The following ATXN1 variants were observed in gnomAD, a reference collection of about 807,000 sequenced individuals.
ATXN1 encodes ataxin 1.
Under a neutral mutation model 56.4 loss-of-function variants are expected in ATXN1, and 8 were observed. That is an observed-to-expected ratio of 0.14 (90% confidence interval 0.08 to 0.26). The LOEUF is 0.26. Ranked by LOEUF, ATXN1 falls within the 10% of genes least tolerant of loss-of-function variation. The pLI, the probability that ATXN1 is intolerant of heterozygous loss-of-function variation, is 1.00. For synonymous variants in ATXN1, 514 were observed against 494.6 expected, an observed-to-expected ratio of 1.04 and a Z score of -0.52; for missense variants, 987 against 1,106.5, an observed-to-expected ratio of 0.89 and a Z score of 1.53.
intron 2 of ATXN1, among the ~76,000 whole-genome samples, chr6:16,726,068 T>C (rs1759841672): frequency 6.6e-6 from 1 of 152,204 alleles, no homozygotes; most frequent in South Asian, 2.1e-4. Context: ...TAGCTTCTTA[T>C]ACCCTGTGAA....
intron 6 of ATXN1, among the ~76,000 whole-genome samples, chr6:16,391,127 A>G (rs892179808): frequency 8.7e-5 from 12 of 138,342 alleles, no homozygotes; most frequent in Non-Finnish European, 1.1e-4. Context: ...GCGTCACTGC[A>G]CTCCAGCCTG....
At chr6:16,422,973 A>G (rs1327744700) in intron 6 of ATXN1, among the ~76,000 whole-genome samples, 1 of 152,228 alleles carries the variant, frequency 6.6e-6, no homozygotes, top group Non-Finnish European at 1.5e-5. Context: ...TAGAATTGTC[A>G]TATCTGATCT....
chr6:16,428,241 C>T (rs961801964), intron 6 of ATXN1, among the ~76,000 whole-genome samples: 2 of 151,660 alleles, frequency 1.3e-5, no homozygotes, highest in South Asian at 2.1e-4. Context: ...GCCTCAGCCT[C>T]TGGAGTAGTA....
intron 6 of ATXN1, among the ~76,000 whole-genome samples, chr6:16,469,955 T>G (rs1349404342): frequency 2.6e-5 from 2 of 77,684 alleles, no homozygotes; most frequent in East Asian, 9.0e-4. Context: ...AGCAAAACTC[T>G]GTCTCAAAAA....
In ATXN1 at chr6:16,759,530, G is replaced by GTTTTTTTTT. The variant is rs1046854905; in HGVS notation, c.-730+1759_-730+1767dup. Among the ~76,000 whole-genome samples the GTTTTTTTTT allele has an allele frequency of 5.2e-4, 24 of 45,960 alleles. 2 individuals are homozygous for GTTTTTTTTT. Among genetic ancestry groups the GTTTTTTTTT allele is most frequent in the East Asian group, 2.0e-3 (3 of 1,526 alleles). The allele number at this position is 45,960 out of a possible 152,430, so 30.2% of individuals were successfully genotyped here. A position where few individuals can be genotyped will look rare whatever the true frequency, so the allele number is the denominator to read the frequency against. ...ATTATATAACCAGCTTCTTCCGACTGTTTTTTTTTTTTTTTTTTTTTTTTT... is the reference window on the plus strand; with the variant it reads ...ATTATATAACCAGCTTCTTCCGACTGTTTTTTTTTTTTTTTTTTTTTTTTTTTTTTTTTT... On this transcript the variant is annotated intron_variant, in intron 1 of 7. Transcript: ENST00000436367.
chr6:16,583,363 A>T (rs907793662), intron 4 of ATXN1, among the ~76,000 whole-genome samples: 1 of 152,032 alleles, frequency 6.6e-6, no homozygotes, highest in African/African-American at 2.4e-5. Flanking sequence ...TTTTCCTTTC[A>T]CTTTTCAACG....
chr6:16,567,495 G>C (rs1437990108), intron 4 of ATXN1, among the ~76,000 whole-genome samples: 1 of 152,136 alleles, frequency 6.6e-6, no homozygotes. Flanking sequence ...ATGTGTGAGG[G>C]GGGAACAAAG....
At chr6:16,677,544 C>T (rs1561804603) in intron 2 of ATXN1, among the ~76,000 whole-genome samples, 1 of 152,098 alleles carries the variant, frequency 6.6e-6, no homozygotes, top group Non-Finnish European at 1.5e-5. Flanking sequence ...GGATACAAAA[C>T]TTGTATAGTA....
At chr6:16,518,315 G>A (rs762277980) in intron 5 of ATXN1, among the ~76,000 whole-genome samples, 2 of 152,320 alleles carry the variant, frequency 1.3e-5, no homozygotes, top group African/African-American at 2.4e-5. Context: ...TGAGTAACCC[G>A]GCTGGGGCTA....
At chr6:16,409,007 G>C (rs1561885007) in intron 6 of ATXN1, among the ~76,000 whole-genome samples, 1 of 152,118 alleles carries the variant, frequency 6.6e-6, no homozygotes, top group African/African-American at 2.4e-5. Flanking sequence ...AAGAATACAT[G>C]GGTTCTAAGG....
Position 16,306,871 on chromosome 6 carries a change from G to A in ATXN1, c.1918-12C>T, listed in dbSNP as rs751836739. On this transcript the variant is annotated splice_polypyrimidine_tract_variant and intron_variant, in intron 7 of 7. Transcript: ENST00000436367. The surrounding 1 kb of genome is among the most constrained non-coding windows in gnomAD (Gnocchi z 5.2). The stretch of plus-strand genomic sequence containing the variant: ...ACTTCAACGCTGACCTGTGGAAACA[G>A]GGAGAGACAGAGAGAGGAAGAAGGA... The A allele has an allele frequency of 1.1e-5, 17 of 1,584,288 alleles. No homozygotes were observed. The highest frequency in any genetic ancestry group is 1.2e-5 in the Non-Finnish European group (14 of 1,170,786).
At chr6:16,715,531 A>T (rs550013365) in intron 2 of ATXN1, among the ~76,000 whole-genome samples, 1 of 152,344 alleles carries the variant, frequency 6.6e-6, no homozygotes, top group South Asian at 2.1e-4. Flanking sequence ...GATCAAGAAG[A>T]TGTACAATGG....
At chr6:16,412,989 T>TTAA (rs1257937084) in intron 6 of ATXN1, among the ~76,000 whole-genome samples, 2 of 152,196 alleles carry the variant, frequency 1.3e-5, no homozygotes, top group East Asian at 3.9e-4. Flanking sequence ...TGTCCTATAG[T>TTAA]TTTCTAGTGT....
intron 2 of ATXN1, among the ~76,000 whole-genome samples, chr6:16,683,043 C>A (rs1758847331): frequency 6.6e-6 from 1 of 152,098 alleles, no homozygotes; most frequent in Non-Finnish European, 1.5e-5. Context: ...CCAAAACCAA[C>A]CAGGGAGTTG....
intron 2 of ATXN1, among the ~76,000 whole-genome samples, chr6:16,745,933 C>CGTGTGTGT (rs60773814): frequency 0.022 from 3,260 of 147,180 alleles, 48 homozygotes; most frequent in Middle Eastern, 0.028. Flanking sequence ...CTATGCCTTC[C>CGTGTGTGT]GTGTGTGTGT....
intron 3 of ATXN1, among the ~76,000 whole-genome samples, chr6:16,612,805 C>A (rs982184888): frequency 5.4e-5 from 8 of 148,914 alleles, no homozygotes; most frequent in African/African-American, 2.0e-4. Context: ...GCAGGAGAAT[C>A]ACTTGAACCC....
intron 2 of ATXN1, among the ~76,000 whole-genome samples, chr6:16,697,808 A>G (rs1581374171): frequency 6.6e-6 from 1 of 152,316 alleles, no homozygotes. Context: ...AAGTCTCTTC[A>G]CAGCACCTAA....
intron 5 of ATXN1, among the ~76,000 whole-genome samples, chr6:16,494,202 G>A (rs895763952): frequency 1.3e-5 from 2 of 152,032 alleles, no homozygotes; most frequent in Non-Finnish European, 2.9e-5. Context: ...GTTGGAGGGA[G>A]GTCAGCGTGG....
chr6:16,699,652 C>T lies in ATXN1; in HGVS notation c.-614-41751G>A, dbSNP rs540139422. Among the ~76,000 whole-genome samples, 83 of 152,254 alleles carry T rather than the reference C, an allele frequency of 5.5e-4. 2 individuals are homozygous for T. The highest frequency in any genetic ancestry group is 3.4e-3 in the Middle Eastern group (1 of 294). Reference sequence around the variant, plus strand: ...GGTAAGCCAACCTACACTGCATGAGCCAGCAGAGCAGACACTGAAAGGTGA... The same window carrying T: ...GGTAAGCCAACCTACACTGCATGAGTCAGCAGAGCAGACACTGAAAGGTGA... On this transcript the variant is annotated intron_variant, in intron 2 of 7. Coordinates refer to ENST00000436367, the MANE Select transcript of ATXN1 (RefSeq NM_001128164.2).
Sources: allele counts gnomAD v4.1 joint callset (sites outside exome capture counted in the v4.1 genomes callset), GRCh38; gene constraint gnomAD v4.1.1; non-coding constraint Gnocchi (gnomAD v3.1); transcripts MANE v1.5; gene names NCBI Gene and HGNC (gene_info 2026-07-23, HGNC 2026-07-21).